Variants in CHD6 observed in about 807,000 individuals in gnomAD.
CHD6 encodes the protein ATP-dependent chromatin remodeler CHD6.
Under a neutral mutation model 276.9 loss-of-function variants are expected in CHD6, and 50 were observed. The observed-to-expected ratio is 0.18, with a 90% CI of 0.14 to 0.23. The LOEUF (loss-of-function observed/expected upper bound fraction) is 0.23, where lower values mean the gene tolerates loss of function less well. CHD6 is among the 10% of genes least tolerant of loss of function. The pLI is 1.00. For missense variants in CHD6, 2,564 were observed against 3,365.8 expected (o/e 0.76, Z 5.89); for synonymous variants, 1,173 against 1,229.3 (o/e 0.95, Z 0.96).
intron 1 of CHD6, among the ~76,000 whole-genome samples, chr20:41,601,476 T>C (rs1317187528): frequency 6.6e-6 from 1 of 152,194 alleles, no homozygotes; most frequent in African/African-American, 2.4e-5. Flanking sequence ...ATTTTTAGTA[T>C]TATGGTCACC....
chr20:41,431,776 C>CTTTTTTTTTTTTTTTTTTTTTTTTTT (rs61227802), intron 27 of CHD6, among the ~76,000 whole-genome samples: 3 of 104,760 alleles, frequency 2.9e-5, no homozygotes, highest in Admixed American at 2.0e-4. Flanking sequence ...AAAAAACATG[C>CTTTTTTTTTTTTTTTTTTTTTTTTTT]TTTTTTTTTT....
At position 41,416,610 on chromosome 20, in the gene CHD6, G is replaced by C. The variant is rs774483346; in HGVS notation, c.6464C>G (p.Ala2155Gly). The C allele has an allele frequency of 3.1e-6, 5 of 1,612,836 alleles. No homozygotes were observed. Among genetic ancestry groups the C allele is most frequent in the Middle Eastern group, 1.8e-4 (1 of 5,548 alleles). ...AAEHSFSNGA[A>G]LAAQIHKESF... ...CACCTTGTGGATCTGGGCCGCCAAT[G>C]CTGCGCCGTTGCTGAAGCTGTGTTC... The change falls in exon 33 of 37, where the codon GCA (alanine) becomes GGA (glycine). Residue 2155 changes from alanine to glycine, a missense_variant. Physicochemically the swap from Ala to Gly is moderately conservative, Grantham distance 60 (BLOSUM62 0). Transcript: ENST00000373233.
At chr20:41,417,752 C>A (rs920577363) in intron 31 of CHD6, among the ~76,000 whole-genome samples, 1 of 152,118 alleles carries the variant, frequency 6.6e-6, no homozygotes, top group Non-Finnish European at 1.5e-5. Flanking sequence ...AAATGTAACA[C>A]GGCAAGACGG....
chr20:41,505,138 G>A (rs1188630891), intron 5 of CHD6, among the ~76,000 whole-genome samples: 1 of 152,126 alleles, frequency 6.6e-6, no homozygotes, highest in Non-Finnish European at 1.5e-5. Flanking sequence ...GCTCTATGGA[G>A]GTTTTGAGCT....
At chr20:41,493,804 C>A in intron 9 of CHD6, 54 bp downstream of exon 9, 1 of 1,583,834 alleles carries the variant, frequency 6.3e-7, no homozygotes, top group Non-Finnish European at 8.7e-7. Flanking sequence ...CATGTTAAAA[C>A]AAGTGAAATA....
In CHD6 at chr20:41,492,763, A is replaced by G. The variant is rs141765429; in HGVS notation, c.1314+775T>C. 5.5e-4 allele frequency among the ~76,000 whole-genome samples: 84 copies of G among 152,354 alleles called. No individual in the cohort carries two copies. The East Asian group carries it at 0.013, about 23-fold the overall frequency. ...GTGAAACACCATCTCTGCTAAAAAC[A>G]TACAAAAATTAGCCAGGCGTGGTGG... On this transcript the variant is annotated intron_variant, in intron 10 of 36. Coordinates refer to ENST00000373233, the MANE Select transcript of CHD6 (RefSeq NM_032221.5).
At chr20:41,495,182 G>C (rs1250409650) in intron 8 of CHD6, among the ~76,000 whole-genome samples, 3 of 152,174 alleles carry the variant, frequency 2.0e-5, no homozygotes, top group African/African-American at 7.2e-5. Flanking sequence ...ATTCACAATA[G>C]TCAAGATTAC....
At chr20:41,546,088 G>C (rs1253322426) in intron 2 of CHD6, among the ~76,000 whole-genome samples, 2 of 152,098 alleles carry the variant, frequency 1.3e-5, no homozygotes, top group Non-Finnish European at 2.9e-5. Flanking sequence ...AGTTACTACT[G>C]AACCTGACCC....
At chr20:41,539,725 A>G (rs367976500) in intron 2 of CHD6, among the ~76,000 whole-genome samples, 3 of 152,252 alleles carry the variant, frequency 2.0e-5, no homozygotes, top group African/African-American at 4.8e-5. Flanking sequence ...GAAACACATA[A>G]TAACTCCAAA....
chr20:41,434,350 A>G lies in CHD6; in HGVS notation c.4068+2924T>C, dbSNP rs550590131. Among the ~76,000 whole-genome samples, 6 of 152,348 alleles carry G rather than the reference A, an allele frequency of 3.9e-5. No homozygotes were observed. The East Asian group carries it at 1.2e-3, about 29-fold the overall frequency. On this transcript the variant is annotated intron_variant, in intron 27 of 36. Coordinates refer to ENST00000373233, the MANE Select transcript of CHD6 (RefSeq NM_032221.5). Reference sequence around the variant, plus strand: ...ACATTATATAGTGATAACAGGGTCAATCTGCCAAGAACATGTAATTCTCTC... The same window carrying G: ...ACATTATATAGTGATAACAGGGTCAGTCTGCCAAGAACATGTAATTCTCTC...
chr20:41,555,004 G>C (rs866116712), intron 1 of CHD6, among the ~76,000 whole-genome samples: 15 of 147,134 alleles, frequency 1.0e-4, no homozygotes, highest in Middle Eastern at 3.7e-3. Context: ...CTGGCCGGGC[G>C]GGGGGCTGAC....
At chr20:41,458,839 G>C (rs774343143) in intron 17 of CHD6, among the ~76,000 whole-genome samples, 3 of 152,102 alleles carry the variant, frequency 2.0e-5, no homozygotes, top group South Asian at 4.1e-4. Context: ...CTGAGAGGAA[G>C]AGGTGGCCAT....
intron 3 of CHD6, among the ~76,000 whole-genome samples, chr20:41,532,035 T>C (rs1440761593): frequency 6.6e-6 from 1 of 152,204 alleles, no homozygotes; most frequent in African/African-American, 2.4e-5. Context: ...AGTCATGTAT[T>C]TGGTGTTTCC....
At chr20:41,590,630 C>G (rs1286955547) in intron 1 of CHD6, among the ~76,000 whole-genome samples, 1 of 152,164 alleles carries the variant, frequency 6.6e-6, no homozygotes, top group African/African-American at 2.4e-5. Flanking sequence ...CACTGGCCAT[C>G]AGAGAAATGC....
rs771966325 is a variant in CHD6, at chr20:41,421,698, G to C, written c.4937C>G (p.Ser1646Cys). 3 of 1,613,826 alleles carry C rather than the reference G, an allele frequency of 1.9e-6. No homozygotes were observed. The highest frequency in any genetic ancestry group is 1.7e-6 in the Non-Finnish European group (2 of 1,179,892). The change falls in exon 31 of 37, where the codon TCT becomes TGT. Residue 1646 changes from serine to cysteine, a missense_variant. By Grantham distance (112) the Ser-to-Cys change is moderately radical. Coordinates refer to ENST00000373233, the MANE Select transcript of CHD6 (RefSeq NM_032221.5). ...GGACTCTGAAGTCCTACTCATTTGA[G>C]AATATGTAAGAGATTCATATAACTT... ...NSKLYESLTY[S>C]QMSRTSESLE...
intron 5 of CHD6, among the ~76,000 whole-genome samples, chr20:41,504,173 T>C (rs1268414132): frequency 1.3e-5 from 2 of 151,338 alleles, no homozygotes; most frequent in South Asian, 2.1e-4. Context: ...TTTTGCTCTG[T>C]TTGATTCATT....
chr20:41,448,005 T>C (rs1165981756), intron 23 of CHD6, 34 bp from the exon 24 acceptor site: 3 of 1,318,692 alleles, frequency 2.3e-6, no homozygotes, highest in Non-Finnish European at 3.2e-6. Context: ...GCAAACAAAT[T>C]AGAACCCATA....
chr20:41,475,404 AGT>A (rs2043146701), intron 16 of CHD6, among the ~76,000 whole-genome samples: 1 of 152,242 alleles, frequency 6.6e-6, no homozygotes, highest in East Asian at 1.9e-4. Flanking sequence ...ATTTCAATGC[AGT>A]AGGACAGAAA....
Position 41,422,061 on chromosome 20 carries a change from A to G in CHD6, c.4574T>C (p.Ile1525Thr). 1 of 1,609,292 alleles carries G rather than the reference A, an allele frequency of 6.2e-7. No individual in the cohort carries two copies. ...TTCCTCAGTGATGGGTTCAACGTAGATGGTGGTATCTGGGGGACCTGGAGA... is the reference window on the plus strand; with the variant it reads ...TTCCTCAGTGATGGGTTCAACGTAGGTGGTGGTATCTGGGGGACCTGGAGA... Reference protein sequence around the residue: ...WKDGGPPDTTIYVEPITEERA... With the variant: ...WKDGGPPDTTTYVEPITEERA... Residue 1525 changes from isoleucine to threonine, a missense_variant, in exon 31 of 37, where the codon ATC becomes ACC. Ile to Thr is a moderately conservative substitution (Grantham distance 89, BLOSUM62 -1). Coordinates refer to ENST00000373233, the MANE Select transcript of CHD6 (RefSeq NM_032221.5).
Sources: allele counts gnomAD v4.1 joint callset (sites outside exome capture counted in the v4.1 genomes callset), GRCh38; gene constraint gnomAD v4.1.1; transcripts MANE v1.5; gene names NCBI Gene and HGNC (gene_info 2026-07-23, HGNC 2026-07-21).